Variants in CCSER1 observed in about 807,000 individuals in gnomAD.
CCSER1 encodes serine-rich coiled-coil domain-containing protein 1.
A neutral mutation model predicts 82.0 loss-of-function variants in CCSER1; 41 were observed. That is an observed-to-expected ratio of 0.50 (90% CI 0.39 to 0.65). CCSER1 has a LOEUF of 0.65. Among genes scored for constraint, CCSER1 ranks in the 30% least tolerant of loss-of-function variants. The pLI, the probability that CCSER1 is intolerant of heterozygous loss-of-function variation, is 0.00. For synonymous variants in CCSER1, 414 were observed against 383.9 expected (o/e 1.08, Z -0.92); for missense variants, 1,119 against 1,064.2 (o/e 1.05, Z -0.72).
At chr4:91,293,925 C>CT (rs561372577) in intron 10 of CCSER1, among the ~76,000 whole-genome samples, 151 of 152,064 alleles carry the variant, frequency 9.9e-4, no homozygotes, top group African/African-American at 3.6e-3. Flanking sequence ...GTTATGTACT[C>CT]TGAAAGCTTT....
rs574730537 is a variant in CCSER1, at chr4:91,523,088, TGTTGA to T, written c.2218-75480_2218-75476del. Among the ~76,000 whole-genome samples, 46 of 152,326 alleles carry T rather than the reference TGTTGA, an allele frequency of 3.0e-4. No individual in the cohort carries two copies. The East Asian group carries it at 8.3e-3, about 27-fold the overall frequency. ...ATTGAGAGTTTTTAGCATGAAGGGC[TGTTGA>T]GTTTTGTCGAAGGCCTTTTCTTCAT... On this transcript the variant is annotated intron_variant, in intron 10 of 10. Coordinates refer to ENST00000509176, the MANE Select transcript of CCSER1 (RefSeq NM_001145065.2).
At chr4:90,409,354 G>C (rs915347589) in intron 4 of CCSER1, among the ~76,000 whole-genome samples, 4 of 152,148 alleles carry the variant, frequency 2.6e-5, no homozygotes, top group African/African-American at 4.8e-5. Flanking sequence ...GGAAATGAAG[G>C]AAAAAATGTT....
intron 3 of CCSER1, among the ~76,000 whole-genome samples, chr4:90,387,781 A>C (rs1286362768): frequency 1.3e-5 from 2 of 152,138 alleles, no homozygotes; most frequent in East Asian, 3.9e-4. Context: ...GTACAACAGA[A>C]GCTTACATTT....
intron 10 of CCSER1, among the ~76,000 whole-genome samples, chr4:91,163,199 A>C (rs915133814): frequency 6.6e-6 from 1 of 152,214 alleles, no homozygotes; most frequent in African/African-American, 2.4e-5. Flanking sequence ...ACCAATAGTC[A>C]TTCAAGAGCA....
intron 9 of CCSER1, among the ~76,000 whole-genome samples, chr4:90,953,158 G>T (rs1210030495): frequency 1.3e-5 from 2 of 151,856 alleles, no homozygotes; most frequent in African/African-American, 4.8e-5. Flanking sequence ...TTGTCATCTA[G>T]TTAACTTTTA....
intron 4 of CCSER1, among the ~76,000 whole-genome samples, chr4:90,437,066 CT>C (rs1417732998): frequency 4.7e-4 from 71 of 152,266 alleles, no homozygotes; most frequent in African/African-American, 1.5e-3. Flanking sequence ...TGTGATCCAC[CT>C]GCCTCAGCCT....
At chr4:90,604,976 G>T (rs952013083) in intron 5 of CCSER1, among the ~76,000 whole-genome samples, 10 of 150,692 alleles carry the variant, frequency 6.6e-5, no homozygotes, top group Non-Finnish European at 1.5e-5. Context: ...GGCTGCCCCA[G>T]CCAGCAGCGG....
intron 10 of CCSER1, among the ~76,000 whole-genome samples, chr4:91,136,967 A>T (rs1223574084): frequency 6.6e-6 from 1 of 152,022 alleles, no homozygotes; most frequent in African/African-American, 2.4e-5. Context: ...TTAATAGGGA[A>T]TTCAAAAATT....
chr4:90,499,024 T>C (rs1040466864), intron 5 of CCSER1, among the ~76,000 whole-genome samples: 3 of 152,084 alleles, frequency 2.0e-5, no homozygotes, highest in Non-Finnish European at 1.5e-5. Context: ...GAAGCCCTAA[T>C]TAATTATTTG....
At chr4:90,724,877 G>A (rs1422286712) in intron 7 of CCSER1, 1 of 305,106 alleles carries the variant, frequency 3.3e-6, no homozygotes, top group Non-Finnish European at 6.5e-6. Context: ...CTTATACCTA[G>A]TACAGTTGCT....
At chr4:90,685,952 T>C (rs937973747) in intron 6 of CCSER1, among the ~76,000 whole-genome samples, 15 of 152,136 alleles carry the variant, frequency 9.9e-5, no homozygotes, top group Non-Finnish European at 2.1e-4. Context: ...AATGCCTCAC[T>C]TTGAGATTGC....
At chr4:91,107,182 A>G (rs907791817) in intron 10 of CCSER1, among the ~76,000 whole-genome samples, 4 of 152,198 alleles carry the variant, frequency 2.6e-5, no homozygotes, top group Non-Finnish European at 1.5e-5. Flanking sequence ...CTAGGTGTAT[A>G]GTAGCCTATG....
chr4:90,872,570 CTATGT>C (rs1766670649), intron 8 of CCSER1, among the ~76,000 whole-genome samples: 1 of 151,804 alleles, frequency 6.6e-6, no homozygotes, highest in African/African-American at 2.4e-5. Flanking sequence ...GCTATACTGC[CTATGT>C]CTTGAATAGT....
intron 5 of CCSER1, among the ~76,000 whole-genome samples, chr4:90,551,404 G>A (rs1168302622): frequency 6.6e-6 from 1 of 151,948 alleles, no homozygotes; most frequent in Non-Finnish European, 1.5e-5. Context: ...AATGACTCTG[G>A]TTCTTGCTTG....
rs537790091 is a variant in CCSER1 at position 91,570,198 on chromosome 4, G to A, written c.2218-28374G>A. Among the ~76,000 whole-genome samples, 4 of 152,292 alleles carry A rather than the reference G, an allele frequency of 2.6e-5. No individual in the cohort carries two copies. The South Asian group carries it at 8.3e-4, about 32-fold the overall frequency. ...GCAGCTCTGCCCCTGTGGCTTTTCA[G>A]GGTCTAGCCCCAGTTCTGGTTGCTT... On this transcript the variant is annotated intron_variant, in intron 10 of 10. Transcript: ENST00000509176.
intron 10 of CCSER1, among the ~76,000 whole-genome samples, chr4:91,537,585 G>A (rs910337954): frequency 1.3e-5 from 2 of 151,840 alleles, no homozygotes; most frequent in South Asian, 2.1e-4. Context: ...GTATTGGTTC[G>A]AGAAGTCATT....
At chr4:91,462,005 T>C (rs1310552652) in intron 10 of CCSER1, among the ~76,000 whole-genome samples, 1 of 152,192 alleles carries the variant, frequency 6.6e-6, no homozygotes, top group Non-Finnish European at 1.5e-5. Context: ...TAAATTATAA[T>C]TCCAGGGACC....
intron 7 of CCSER1, among the ~76,000 whole-genome samples, chr4:90,791,934 A>G (rs1351160521): frequency 1.3e-5 from 2 of 152,212 alleles, no homozygotes; most frequent in East Asian, 3.9e-4. Flanking sequence ...AAACCCAAAA[A>G]TTCATCAAAA....
chr4:90,145,630 T>G (rs1185515390), intron 1 of CCSER1, among the ~76,000 whole-genome samples: 2 of 152,142 alleles, frequency 1.3e-5, no homozygotes, highest in African/African-American at 4.8e-5. Flanking sequence ...ATGATCTTTA[T>G]GCAGTCATTG....
Sources: gnomAD v4.1 joint callset for allele counts (sites outside exome capture counted in the v4.1 genomes callset) on GRCh38, gnomAD v4.1.1 for gene constraint, MANE v1.5 for transcripts, NCBI Gene and HGNC (gene_info 2026-07-23, HGNC 2026-07-21) for gene names.